DMD: variants seen among roughly 807,000 people sequenced by gnomAD.
DMD encodes mutant dystrophin.
DMD carries 63 observed loss-of-function variants against 330.1 expected under a neutral mutation model. The observed-to-expected ratio is 0.19, with a 90% CI of 0.16 to 0.24. The LOEUF (loss-of-function observed/expected upper bound fraction) is 0.24, where lower values mean the gene tolerates loss of function less well. Ranked by LOEUF, DMD falls within the 10% of genes least tolerant of loss-of-function variation. DMD has a pLI of 1.00. For synonymous variants in DMD, 1,223 were observed against 959.8 expected, an observed-to-expected ratio of 1.27 and a Z score of -5.07; for missense variants, 3,344 against 2,684.1, an observed-to-expected ratio of 1.25 and a Z score of -5.43.
chrX:33,282,288 G>C (rs190998238), intron 1 of DMD, among the ~76,000 whole-genome samples: 2 of 112,056 alleles, frequency 1.8e-5, no homozygotes, highest in African/African-American at 3.2e-5. Flanking sequence ...AGAGGCTTCA[G>C]TAGTTAGGAC....
intron 23 of DMD, among the ~76,000 whole-genome samples, chrX:32,465,591 T>TTTTG (rs2098399688): frequency 3.1e-5 from 3 of 96,618 alleles, no homozygotes; most frequent in South Asian, 5.2e-4. Flanking sequence ...TGTTTTTTTT[T>TTTTG]TTTTTTTTTT....
chrX:31,180,650 C>G (rs1244245315), intron 68 of DMD, among the ~76,000 whole-genome samples, 169 bp from the exon 69 acceptor site: 1 of 111,683 alleles, frequency 9.0e-6, no homozygotes, highest in Non-Finnish European at 1.9e-5. Context: ...TCCGGTGCCT[C>G]TCCTACAGTA....
intron 12 of DMD, among the ~76,000 whole-genome samples, chrX:32,597,021 T>C (rs761800737): frequency 3.5e-4 from 39 of 111,940 alleles, no homozygotes; most frequent in Middle Eastern, 4.6e-3. Context: ...ACCAGTCTAA[T>C]TGTATACCAT....
At position 32,428,496 on chromosome X, in the gene DMD, T is replaced by C. The variant is rs754712215; in HGVS notation, c.4071+9745A>G. Among the ~76,000 whole-genome samples the C allele has an allele frequency of 2.7e-5, 3 of 112,342 alleles. No homozygotes were observed. In the East Asian group the frequency reaches 8.4e-4, roughly 31 times the overall value. On this transcript the variant is annotated intron_variant, in intron 29 of 78. Coordinates refer to ENST00000357033, the MANE Select transcript of DMD (RefSeq NM_004006.3). ...TCTTCACTAACTTTTGTCTGGTGTC[T>C]TGAAAGAAAGAGGCATTATGAAATC...
At chrX:32,226,007 C>T (rs1373816811) in intron 43 of DMD, among the ~76,000 whole-genome samples, 3 of 111,880 alleles carry the variant, frequency 2.7e-5, no homozygotes, top group Non-Finnish European at 5.6e-5. Context: ...TACTTCTCGA[C>T]TTCTTTCTTA....
At chrX:32,787,265 AGAGAG>A (rs2148603833) in intron 7 of DMD, among the ~76,000 whole-genome samples, 3 of 107,358 alleles carry the variant, frequency 2.8e-5, no homozygotes, top group African/African-American at 1.0e-4. Flanking sequence ...AGAGAGAGAG[AGAGAG>A]AGAAAGAGAG....
chrX:31,731,905 CTTACCAGGCTCTA>C (rs1210361924), intron 51 of DMD, among the ~76,000 whole-genome samples: 6 of 111,377 alleles, frequency 5.4e-5, no homozygotes, highest in Non-Finnish European at 1.1e-4. Context: ...TAATCTGAAC[CTTACCAGGCTCTA>C]AATTAAACCT....
chrX:32,694,750 G>A (rs1052233309), intron 9 of DMD, among the ~76,000 whole-genome samples: 10 of 111,464 alleles, frequency 9.0e-5, no homozygotes, highest in African/African-American at 2.3e-4. Context: ...TCCACCTCCC[G>A]GGTTCAAGTG....
intron 1 of DMD, among the ~76,000 whole-genome samples, chrX:33,331,944 T>C (rs1399415698): frequency 2.7e-5 from 3 of 111,792 alleles, no homozygotes; most frequent in Non-Finnish European, 5.6e-5. Context: ...ATTTAAAGTA[T>C]TCTTGTTTTA....
In DMD at chrX:31,328,633, T is replaced by C. The variant is rs747828475; in HGVS notation, c.9164-4975A>G. ...GAGTCCTGACTCCCCTATCACTTCA[T>C]GATCTTAAGCTAGTCTTTTTCCTGC... On this transcript the variant is annotated intron_variant, in intron 61 of 78. Transcript: ENST00000357033. 2.7e-5 allele frequency among the ~76,000 whole-genome samples: 3 copies of C among 111,578 alleles called. No homozygotes were observed. In the South Asian group the frequency reaches 1.1e-3, roughly 42 times the overall value.
At chrX:31,945,315 A>G (rs746761975) in intron 45 of DMD, among the ~76,000 whole-genome samples, 3 of 112,208 alleles carry the variant, frequency 2.7e-5, no homozygotes. Context: ...TGATACAGAT[A>G]CATGAATGGG....
intron 51 of DMD, 108 bp downstream of exon 51, chrX:31,773,852 C>T: frequency 1.7e-6 from 1 of 600,552 alleles, no homozygotes; most frequent in African/African-American, 2.3e-5. Flanking sequence ...GAGAGAGAAA[C>T]AGTTGCCTAA....
chrX:33,247,989 A>G (rs1337324597), intron 1 of DMD, among the ~76,000 whole-genome samples: 1 of 111,775 alleles, frequency 8.9e-6, no homozygotes, highest in Non-Finnish European at 1.9e-5. Context: ...ATACTGTAAG[A>G]CTCATGCTCA....
intron 1 of DMD, among the ~76,000 whole-genome samples, chrX:33,096,465 C>T (rs1417142227): frequency 2.8e-5 from 3 of 108,900 alleles, no homozygotes; most frequent in Admixed American, 9.9e-5. Flanking sequence ...AGAGATAATG[C>T]GATCTGTTTG....
intron 18 of DMD, among the ~76,000 whole-genome samples, chrX:32,512,818 A>G (rs1409082133): frequency 8.9e-6 from 1 of 111,864 alleles, no homozygotes; most frequent in African/African-American, 3.3e-5. Flanking sequence ...GTATGTTAGA[A>G]AAAGCTTATT....
intron 1 of DMD, among the ~76,000 whole-genome samples, chrX:33,136,820 T>G (rs1569556162): frequency 9.0e-6 from 1 of 110,790 alleles, no homozygotes; most frequent in Non-Finnish European, 1.9e-5. Context: ...TCTATGATAT[T>G]TTTATTATAG....
chrX:32,141,004 G>A (rs961865324), intron 44 of DMD, among the ~76,000 whole-genome samples: 5 of 111,599 alleles, frequency 4.5e-5, no homozygotes, highest in African/African-American at 1.6e-4. Flanking sequence ...GAACAATTAG[G>A]TTTATGTTTT....
In DMD at chrX:32,461,350, T is replaced by A. The variant is rs147073545; in HGVS notation, c.3432+2089A>T. 0.037 allele frequency among the ~76,000 whole-genome samples: 4,061 copies of A among 110,971 alleles called. 85 individuals are homozygous for A. The highest frequency in any genetic ancestry group is 0.059 in the Non-Finnish European group (3,130 of 52,909). ...CTCCTTGAGCGCCATTGTTCCTTCC[T>A]TTTACAACCTAACTCATTTGGCTAC... On this transcript the variant is annotated intron_variant, in intron 25 of 78. Coordinates refer to ENST00000357033, the MANE Select transcript of DMD (RefSeq NM_004006.3).
chrX:31,378,735 TC>T (rs751047139), intron 60 of DMD, among the ~76,000 whole-genome samples: 1 of 108,890 alleles, frequency 9.2e-6, no homozygotes, highest in Non-Finnish European at 1.9e-5. Flanking sequence ...GTGTCTCTAC[TC>T]CCTTTTCTCT....
Sources: allele counts gnomAD v4.1 joint callset (sites outside exome capture counted in the v4.1 genomes callset), GRCh38; gene constraint gnomAD v4.1.1; transcripts MANE v1.5; gene names NCBI Gene and HGNC (gene_info 2026-07-23, HGNC 2026-07-21).